The following GRIK3 variants were observed in gnomAD, a reference collection of about 807,000 sequenced individuals.
GRIK3 encodes glutamate receptor ionotropic, kainate 3.
In GRIK3, 29 loss-of-function variants were observed where a neutral mutation model predicts 102.5. The ratio of observed to expected loss-of-function variants is 0.28; its 90% CI spans 0.21 to 0.39. GRIK3 has a LOEUF of 0.39. Ranked by LOEUF, GRIK3 falls within the 10% of genes least tolerant of loss-of-function variation. The pLI is 1.00. For synonymous variants in GRIK3, 511 were observed against 504.9 expected (o/e 1.01, Z -0.16); for missense variants, 908 against 1,252.4 (o/e 0.73, Z 4.15).
At chr1:36,972,595 G>T (rs1406336261) in intron 1 of GRIK3, among the ~76,000 whole-genome samples, 1 of 152,174 alleles carries the variant, frequency 6.6e-6, no homozygotes, top group African/African-American at 2.4e-5. Flanking sequence ...GCTGAGCCAG[G>T]TTACGTTCAG....
At chr1:36,950,125 T>C (rs1055454931) in intron 1 of GRIK3, among the ~76,000 whole-genome samples, 1 of 152,122 alleles carries the variant, frequency 6.6e-6, no homozygotes, top group African/African-American at 2.4e-5. Context: ...CATGATCTCA[T>C]TTTCTTTCTC....
At chr1:36,834,816 C>T (rs145730455) in intron 10 of GRIK3, among the ~76,000 whole-genome samples, 43 of 152,298 alleles carry the variant, frequency 2.8e-4, no homozygotes, top group Admixed American at 3.3e-4. Context: ...GCCAGTGCTC[C>T]GGGACTCCAC....
chr1:36,869,695 T>G, intron 5 of GRIK3, 53 bp downstream of exon 5: 2 of 1,328,212 alleles, frequency 1.5e-6, no homozygotes, highest in Non-Finnish European at 2.2e-6. Context: ...ACAATGAACT[T>G]GATCCATGAG....
intron 10 of GRIK3, among the ~76,000 whole-genome samples, chr1:36,839,889 C>T (rs1424713516): frequency 7.2e-5 from 11 of 152,176 alleles, no homozygotes; most frequent in African/African-American, 1.2e-4. Context: ...TCCCCACTTG[C>T]GACCTCCAAG....
chr1:37,001,702 T>C (rs1003974302), intron 1 of GRIK3, among the ~76,000 whole-genome samples: 3 of 152,236 alleles, frequency 2.0e-5, no homozygotes, highest in Admixed American at 2.0e-4. Flanking sequence ...AACTCTTAGT[T>C]TGGATTTTCC....
chr1:36,876,008 C>T (rs1054730115), intron 3 of GRIK3, among the ~76,000 whole-genome samples: 2 of 152,204 alleles, frequency 1.3e-5, no homozygotes, highest in African/African-American at 4.8e-5. Flanking sequence ...ACCCAGTGAG[C>T]TATACAGGAT....
chr1:37,023,262 G>T (rs2124080093), intron 1 of GRIK3, among the ~76,000 whole-genome samples: 1 of 151,862 alleles, frequency 6.6e-6, no homozygotes, highest in East Asian at 1.9e-4. Flanking sequence ...AGGAGGCAGA[G>T]GTTGTGGTGA....
In GRIK3 at chr1:36,881,144, C is replaced by T. The variant is rs112687545; in HGVS notation, c.293-253G>A. Among the ~76,000 whole-genome samples, 509 of 152,196 alleles carry T rather than the reference C, an allele frequency of 3.3e-3. 4 individuals are homozygous for T. The highest frequency in any genetic ancestry group is 0.012 in the African/African-American group (491 of 41,510). ...CTGGAGCACAGTGCCAGGGTACGTC[C>T]CTTTTCCTTAGGAAGTGCCCATGAC... is the stretch of plus-strand genomic sequence containing the variant. On this transcript the variant is annotated intron_variant, in intron 2 of 15. Transcript: ENST00000373091.
At chr1:36,948,035 T>A (rs1056866380) in intron 1 of GRIK3, among the ~76,000 whole-genome samples, 1 of 152,090 alleles carries the variant, frequency 6.6e-6, no homozygotes, top group Admixed American at 6.5e-5. Flanking sequence ...CAGTCATAAG[T>A]TATTTGTAAA....
At chr1:36,946,363 C>G (rs996434827) in intron 1 of GRIK3, among the ~76,000 whole-genome samples, 10 of 152,232 alleles carry the variant, frequency 6.6e-5, no homozygotes, top group Non-Finnish European at 1.5e-4. Flanking sequence ...CAGCAGGAGT[C>G]TGCAAGTGAC....
chr1:36,972,950 A>G (rs957260628), intron 1 of GRIK3, among the ~76,000 whole-genome samples: 3 of 152,088 alleles, frequency 2.0e-5, no homozygotes, highest in African/African-American at 7.2e-5. Flanking sequence ...CATCATCACC[A>G]TCAGTTCTGA....
At position 36,872,215 on chromosome 1, in the gene GRIK3, G is replaced by A. The variant is rs1640850675; in HGVS notation, c.705C>T (p.His235=). 5 of 1,607,570 alleles carry A rather than the reference G, an allele frequency of 3.1e-6. No homozygotes were observed. In the African/African-American group the frequency reaches 4.0e-5, roughly 13 times the overall value. The change falls in exon 4 of 16, where the codon CAC becomes CAT. Residue 235 remains histidine, a synonymous_variant. Coordinates refer to ENST00000373091, the MANE Select transcript of GRIK3 (RefSeq NM_000831.4). The surrounding 1 kb of genome is among the most constrained non-coding windows in gnomAD (Gnocchi z 5.9). ...REFRIIFDCS[H]TMAAQILKQA... is the part of the protein sequence containing the mutation. ...GCTTGAGGATCTGGGCCGCCATAGTGTGGCTGCAGTCGAAGATAATGCGGA... is the reference window on the plus strand; with the variant it reads ...GCTTGAGGATCTGGGCCGCCATAGTATGGCTGCAGTCGAAGATAATGCGGA...
chr1:36,993,031 A>G (rs926228911), intron 1 of GRIK3, among the ~76,000 whole-genome samples: 1 of 151,696 alleles, frequency 6.6e-6, no homozygotes, highest in African/African-American at 2.4e-5. Flanking sequence ...TAGAAACATC[A>G]GTGCGAACAT....
At chr1:36,826,404 C>T (rs1326645817) in intron 10 of GRIK3, among the ~76,000 whole-genome samples, 1 of 152,210 alleles carries the variant, frequency 6.6e-6, no homozygotes, top group Admixed American at 6.5e-5. Flanking sequence ...CGTTGTGGCT[C>T]ATGCCTGCAA....
chr1:36,857,469 A>C (rs1640666125), intron 7 of GRIK3, among the ~76,000 whole-genome samples: 1 of 152,184 alleles, frequency 6.6e-6, no homozygotes, highest in Non-Finnish European at 1.5e-5. Flanking sequence ...AACATCTGGG[A>C]CTGGAGTCCC....
At position 36,819,927 on chromosome 1, in the gene GRIK3, C is replaced by T; in HGVS notation, c.1755-73G>A. 1.3e-6 allele frequency: 1 copy of T among 779,692 alleles called. No homozygotes were observed. Among genetic ancestry groups the T allele is most frequent in the Non-Finnish European group, 2.3e-6 (1 of 443,188 alleles). 48.3% of individuals were successfully genotyped at this position (779,692 alleles called of 1,614,324 possible). On this transcript the variant is annotated intron_variant, in intron 11 of 15. Coordinates refer to ENST00000373091, the MANE Select transcript of GRIK3 (RefSeq NM_000831.4). The surrounding 1 kb of genome is among the most constrained non-coding windows in gnomAD (Gnocchi z 4.1). ...CACGCCCCAGCAGGCAGTGGTTTAG[C>T]AAACACAGCTGTGCCAGCCGCCTCA...
At chr1:36,858,237 A>G (rs1367638464) in intron 7 of GRIK3, among the ~76,000 whole-genome samples, 5 of 152,200 alleles carry the variant, frequency 3.3e-5, no homozygotes, top group Admixed American at 1.3e-4. Context: ...TGCTTTGCAC[A>G]TAGTTTTTCA....
intron 1 of GRIK3, among the ~76,000 whole-genome samples, chr1:36,959,299 C>T (rs1641969606): frequency 8.0e-6 from 1 of 125,220 alleles, no homozygotes; most frequent in South Asian, 2.9e-4. Context: ...AGCCTGTGCC[C>T]TGTGAGCCTC....
At chr1:37,018,641 G>T (rs79031493) in intron 1 of GRIK3, among the ~76,000 whole-genome samples, 1 of 151,974 alleles carries the variant, frequency 6.6e-6, no homozygotes, top group Non-Finnish European at 1.5e-5. Context: ...TTAACTGCAG[G>T]CCTCAGATCC....
Sources: allele counts gnomAD v4.1 joint callset (sites outside exome capture counted in the v4.1 genomes callset), GRCh38; gene constraint gnomAD v4.1.1; non-coding constraint Gnocchi (gnomAD v3.1); transcripts MANE v1.5; gene names NCBI Gene and HGNC (gene_info 2026-07-23, HGNC 2026-07-21).